The following NTM variants were observed in gnomAD, a reference collection of about 807,000 sequenced individuals.
NTM encodes IgLON family member 2.
Under a neutral mutation model 42.1 loss-of-function variants are expected in NTM, and 13 were observed. The ratio of observed to expected loss-of-function variants is 0.31; its 90% confidence interval spans 0.20 to 0.49. The LOEUF is 0.49. Among genes scored for constraint, NTM ranks in the 20% least tolerant of loss-of-function variants. The probability of loss-of-function intolerance (pLI) is 0.99; values close to 1 mark genes in which losing one functional copy is unlikely to be tolerated. For synonymous variants in NTM, 187 were observed against 179.2 expected, an observed-to-expected ratio of 1.04 and a Z score of -0.35; for missense variants, 373 against 452.8, an observed-to-expected ratio of 0.82 and a Z score of 1.60.
At chr11:132,212,281 T>A in intron 4 of NTM, 134 bp downstream of exon 4, 1 of 679,950 alleles carries the variant, frequency 1.5e-6, no homozygotes, top group Non-Finnish European at 2.5e-6. Flanking sequence ...AATCTACTCA[T>A]GGCTCTGCAG....
intron 4 of NTM, among the ~76,000 whole-genome samples, chr11:132,305,746 GTACCTT>G (rs2095054011): frequency 6.6e-6 from 1 of 152,192 alleles, no homozygotes; most frequent in African/African-American, 2.4e-5. Context: ...ATCAAGGTTA[GTACCTT>G]TCCCCTAAAG....
At chr11:131,510,739 TTC>T (rs146978987) in intron 1 of NTM, among the ~76,000 whole-genome samples, 1 of 152,340 alleles carries the variant, frequency 6.6e-6, no homozygotes, top group Non-Finnish European at 1.5e-5. Flanking sequence ...GCCCATCTCT[TTC>T]TGTCTGCTCA....
At chr11:132,212,242 G>A (rs1375989380) in intron 4 of NTM, 95 bp downstream of exon 4, 2 of 982,760 alleles carry the variant, frequency 2.0e-6, no homozygotes, top group Non-Finnish European at 1.5e-6. Flanking sequence ...CTACTCCAGA[G>A]GAGTCTACGT....
At chr11:131,966,951 A>G (rs1307064752) in intron 2 of NTM, among the ~76,000 whole-genome samples, 3 of 152,152 alleles carry the variant, frequency 2.0e-5, no homozygotes, top group African/African-American at 7.2e-5. Context: ...AGCCAGTAAG[A>G]CTTGCTGATG....
chr11:132,093,807 G>GGTAGATTCTCAAAAATATT (rs2060639915), intron 2 of NTM, among the ~76,000 whole-genome samples: 4 of 152,076 alleles, frequency 2.6e-5, no homozygotes, highest in African/African-American at 7.2e-5. Flanking sequence ...CTTGGGTTAG[G>GGTAGATTCTCAAAAATATT]GTAGATTCTC....
At chr11:131,901,889 C>T (rs1283098310) in intron 1 of NTM, among the ~76,000 whole-genome samples, 1 of 152,250 alleles carries the variant, frequency 6.6e-6, no homozygotes, top group Non-Finnish European at 1.5e-5. Flanking sequence ...TTTCTCACGA[C>T]CTGCAGTACC....
At chr11:131,584,483 G>A (rs1393111470) in intron 1 of NTM, among the ~76,000 whole-genome samples, 1 of 152,126 alleles carries the variant, frequency 6.6e-6, no homozygotes, top group Non-Finnish European at 1.5e-5. Flanking sequence ...TTTTAAGTGA[G>A]GGCTCCTCTG....
chr11:131,689,193 C>T (rs2074340216), intron 1 of NTM, among the ~76,000 whole-genome samples: 1 of 152,228 alleles, frequency 6.6e-6, no homozygotes, highest in Non-Finnish European at 1.5e-5. Context: ...GGAGCCAGTG[C>T]ACTGCCTGTG....
intron 1 of NTM, among the ~76,000 whole-genome samples, chr11:131,423,951 T>C (rs1947793984): frequency 6.6e-6 from 1 of 152,078 alleles, no homozygotes; most frequent in South Asian, 2.1e-4. Flanking sequence ...CGAGGCTTCT[T>C]TAGGAGGAGG....
At chr11:131,880,099 C>A (rs1016859139) in intron 1 of NTM, among the ~76,000 whole-genome samples, 1 of 152,208 alleles carries the variant, frequency 6.6e-6, no homozygotes, top group South Asian at 2.1e-4. Flanking sequence ...CCCACATGCA[C>A]AAACACACAT....
rs931243229 is a variant in NTM, at chr11:132,315,095, GTGA to G, written c.934+398_934+400del. 1.7e-4 allele frequency: 168 copies of G among 1,000,716 alleles called. No homozygotes were observed. The African/African-American group carries it at 2.8e-3, about 16-fold the overall frequency. The allele number at this position is 1,000,716 out of a possible 1,614,324, so 62.0% of individuals were successfully genotyped here. On this transcript the variant is annotated intron_variant, in intron 7 of 8. Coordinates refer to ENST00000683400, the MANE Select transcript of NTM (RefSeq NM_001352005.2). ...ATGACATTTGATTTTTTTTTTCTCA[GTGA>G]TGATGGCTCCTAAGCTGACTGTGGG... is the stretch of plus-strand genomic sequence containing the variant.
At chr11:131,438,644 G>A in intron 1 of NTM, among the ~76,000 whole-genome samples, 1 of 152,090 alleles carries the variant, frequency 6.6e-6, no homozygotes, top group East Asian at 1.9e-4. Context: ...GGTCATTTAA[G>A]GTCTTCTTCA....
chr11:131,795,961 G>A (rs1033111416), intron 1 of NTM: 3 of 983,664 alleles, frequency 3.0e-6, no homozygotes, highest in Non-Finnish European at 3.6e-6. Context: ...GGATATTCCA[G>A]ATGGGAGGAA....
intron 1 of NTM, among the ~76,000 whole-genome samples, chr11:131,798,984 G>A (rs1298874964): frequency 6.6e-6 from 1 of 152,166 alleles, no homozygotes; most frequent in Non-Finnish European, 1.5e-5. Flanking sequence ...TTAGCTCAGT[G>A]TAAATATTTG....
intron 1 of NTM, among the ~76,000 whole-genome samples, chr11:131,702,133 G>T (rs2076139436): frequency 6.6e-6 from 1 of 151,550 alleles, no homozygotes; most frequent in Non-Finnish European, 1.5e-5. Context: ...TTGGACATTG[G>T]GAGACTACCT....
intron 1 of NTM, among the ~76,000 whole-genome samples, chr11:131,871,835 T>C (rs2047820843): frequency 6.6e-6 from 1 of 152,160 alleles, no homozygotes; most frequent in Non-Finnish European, 1.5e-5. Flanking sequence ...AGGTCTTTCC[T>C]TTGTCATCAG....
At chr11:132,024,925 A>G (rs1277597784) in intron 2 of NTM, among the ~76,000 whole-genome samples, 1 of 152,182 alleles carries the variant, frequency 6.6e-6, no homozygotes, top group Non-Finnish European at 1.5e-5. Flanking sequence ...TGTGGAAACA[A>G]ATACACCCTG....
At chr11:131,377,692 G>T (rs191483450) in intron 1 of NTM, among the ~76,000 whole-genome samples, 50 of 152,312 alleles carry the variant, frequency 3.3e-4, no homozygotes, top group African/African-American at 1.2e-3. Flanking sequence ...TTGTGTAGTT[G>T]TTCTCCTACA....
At chr11:132,001,099 G>A (rs191378088) in intron 2 of NTM, among the ~76,000 whole-genome samples, 174 of 152,118 alleles carry the variant, frequency 1.1e-3, no homozygotes, top group Non-Finnish European at 8.2e-4. Context: ...TGTGAGGAGC[G>A]TTTGTTTTGC....
Sources: allele counts gnomAD v4.1 joint callset (sites outside exome capture counted in the v4.1 genomes callset), GRCh38; gene constraint gnomAD v4.1.1; transcripts MANE v1.5; gene names NCBI Gene and HGNC (gene_info 2026-07-23, HGNC 2026-07-21).